Variants in SLF2 observed in about 807,000 individuals in gnomAD.
SLF2 encodes the protein SMC5/6 complex localization factor 2, also known as SMC5-SMC6 complex localization factor protein 2.
Under a neutral mutation model 124.3 loss-of-function variants are expected in SLF2, and 68 were observed. The observed-to-expected ratio is 0.55, with a 90% CI of 0.45 to 0.67. The LOEUF (loss-of-function observed/expected upper bound fraction) is 0.67, where lower values mean the gene tolerates loss of function less well. Ranked by LOEUF, SLF2 falls within the 30% of genes least tolerant of loss-of-function variation. The probability of loss-of-function intolerance (pLI) is 0.00; values close to 1 mark genes in which losing one functional copy is unlikely to be tolerated. For missense variants in SLF2, 1,246 were observed against 1,373.7 expected (o/e 0.91, Z 1.47); for synonymous variants, 480 against 478.8 (o/e 1.00, Z -0.03).
chr10:100,938,519 C>T, intron 10 of SLF2, 76 bp from the exon 11 acceptor site: 1 of 1,396,212 alleles, frequency 7.2e-7, no homozygotes. Context: ...TCATGTTTCA[C>T]CTGCAGACTG....
chr10:100,935,165 G>T (rs964919357), intron 9 of SLF2, among the ~76,000 whole-genome samples: 1 of 152,058 alleles, frequency 6.6e-6, no homozygotes, highest in African/African-American at 2.4e-5. Flanking sequence ...GAAGGCCAAG[G>T]CAGGTGGATC....
chr10:100,932,720 TGCGC>T (rs1554878718), intron 9 of SLF2, among the ~76,000 whole-genome samples: 18 of 36,260 alleles, frequency 5.0e-4, no homozygotes, highest in East Asian at 8.1e-4. Context: ...TGTGTGTGTG[TGCGC>T]GCGCGCGCGC....
At chr10:100,959,153 G>A (rs890992128) in intron 18 of SLF2, among the ~76,000 whole-genome samples, 2 of 152,186 alleles carry the variant, frequency 1.3e-5, no homozygotes, top group African/African-American at 4.8e-5. Flanking sequence ...TGAAGGCAGA[G>A]AATGTGTTTT....
chr10:100,915,544 A>G (rs534902564), intron 1 of SLF2, among the ~76,000 whole-genome samples: 1 of 152,234 alleles, frequency 6.6e-6, no homozygotes, highest in South Asian at 2.1e-4. Flanking sequence ...GCATACATCT[A>G]TTGAGTTTTT....
intron 15 of SLF2, 118 bp from the exon 16 acceptor site, chr10:100,949,957 GT>G: frequency 1.0e-6 from 1 of 995,408 alleles, no homozygotes; most frequent in South Asian, 2.3e-5. Context: ...ATATTGTTAA[GT>G]GTAAAGAAAG....
intron 1 of SLF2, 97 bp from the exon 2 acceptor site, chr10:100,915,902 A>G: frequency 1.0e-6 from 1 of 989,206 alleles, no homozygotes; most frequent in Non-Finnish European, 1.6e-6. Context: ...AAATAGTGAA[A>G]TCCAGCCTTT....
In SLF2 at chr10:100,954,194, G is replaced by A. The variant is rs116651413; in HGVS notation, c.3331-2257G>A. 3.6e-3 allele frequency among the ~76,000 whole-genome samples: 547 copies of A among 152,204 alleles called. 9 individuals are homozygous for A. Among genetic ancestry groups the A allele is most frequent in the African/African-American group, 0.012 (507 of 41,518 alleles). On this transcript the variant is annotated intron_variant, in intron 17 of 19. Coordinates refer to ENST00000238961, the MANE Select transcript of SLF2 (RefSeq NM_018121.4). ...AACACCTGAGCCTGAGGAGGTTGAG[G>A]CTGCCATGCACTGTGGTCATGCCAC...
At chr10:100,913,318 C>T in intron 1 of SLF2, 68 bp downstream of exon 1, 3 of 1,381,854 alleles carry the variant, frequency 2.2e-6, no homozygotes, top group Non-Finnish European at 2.8e-6. Context: ...GGGCTGCAGA[C>T]CGCCGCTCTT....
intron 8 of SLF2, among the ~76,000 whole-genome samples, chr10:100,930,427 A>C (rs1412785806): frequency 1.3e-5 from 2 of 152,210 alleles, no homozygotes; most frequent in African/African-American, 4.8e-5. Flanking sequence ...GCATTCCCAC[A>C]CACTAAGTTA....
chr10:100,921,819 A>G (rs1315451007), intron 4 of SLF2, among the ~76,000 whole-genome samples: 1 of 152,214 alleles, frequency 6.6e-6, no homozygotes, highest in Non-Finnish European at 1.5e-5. Context: ...AAAGTAAGAT[A>G]ATGAGCCAAA....
chr10:100,957,580 C>CG (rs1564786346), intron 18 of SLF2, among the ~76,000 whole-genome samples: 1 of 150,048 alleles, frequency 6.7e-6, no homozygotes, highest in Non-Finnish European at 1.5e-5. Context: ...AGGCTAGTCT[C>CG]GAACTCCTGA....
At chr10:100,919,645 C>T (rs926898967) in intron 4 of SLF2, among the ~76,000 whole-genome samples, 4 of 152,148 alleles carry the variant, frequency 2.6e-5, no homozygotes, top group African/African-American at 4.8e-5. Context: ...CAACTAACAA[C>T]AGTTAATAGT....
At chr10:100,954,333 C>T (rs1169651845) in intron 17 of SLF2, among the ~76,000 whole-genome samples, 2 of 152,024 alleles carry the variant, frequency 1.3e-5, no homozygotes, top group African/African-American at 2.4e-5. Flanking sequence ...TATTGATAAA[C>T]AGTATGTTTT....
At chr10:100,921,096 T>C (rs1849517103) in intron 4 of SLF2, among the ~76,000 whole-genome samples, 1 of 152,252 alleles carries the variant, frequency 6.6e-6, no homozygotes, top group East Asian at 1.9e-4. Context: ...AATGTTAGAC[T>C]AGGCATTTAG....
At chr10:100,943,983 AT>A in intron 11 of SLF2, 42 bp from the exon 12 acceptor site, 1 of 1,316,216 alleles carries the variant, frequency 7.6e-7, no homozygotes, top group Admixed American at 2.2e-5. Flanking sequence ...TGAGTTATAT[AT>A]TTTGTGCCTA....
At position 100,929,486 on chromosome 10, in the gene SLF2, T is replaced by C. The variant is rs549139452; in HGVS notation, c.2165+47T>C. On this transcript the variant is annotated intron_variant, in intron 7 of 19. Coordinates refer to ENST00000238961, the MANE Select transcript of SLF2 (RefSeq NM_018121.4). Reference sequence around the variant, plus strand: ...ATTTTACCTTATTAAAGTTTTTACATTTTTTAGTTTTGTTTTTGTAAAATA... The same window carrying C: ...ATTTTACCTTATTAAAGTTTTTACACTTTTTAGTTTTGTTTTTGTAAAATA... The C allele has an allele frequency of 8.7e-6, 13 of 1,491,420 alleles. No individual in the cohort carries two copies. In the South Asian group the frequency reaches 1.5e-4, roughly 17 times the overall value. The allele number at this position is 1,491,420 out of a possible 1,614,324, so 92.4% of individuals were successfully genotyped here.
chr10:100,953,232 T>G, intron 17 of SLF2, among the ~76,000 whole-genome samples: 1 of 151,692 alleles, frequency 6.6e-6, no homozygotes, highest in East Asian at 2.0e-4. Context: ...ATGTTGATCA[T>G]GTTGCTCTCG....
chr10:100,924,388 A>G lies in SLF2; in HGVS notation c.1387A>G (p.Ser463Gly), dbSNP rs112947773. Residue 463 changes from serine (S) to glycine (G), a missense_variant, in exon 5 of 20, where the codon AGC becomes GGC. Around this residue, in one of 3 missense-constraint regions of SLF2, gnomAD observed 698 missense variants for 708.9 expected, o/e 0.98. Coordinates refer to ENST00000238961, the MANE Select transcript of SLF2 (RefSeq NM_018121.4). The stretch of plus-strand genomic sequence containing the variant: ...CAACCTTCAGAAAAATAAAACCGCT[A>G]GCTCCACGACAAAGGAGAAGGAGAC... The part of the protein sequence containing the change: ...ASNLQKNKTA[S>G]STTKEKETKL... The G allele has an allele frequency of 3.1e-6, 5 of 1,614,180 alleles. No individual in the cohort carries two copies. Among genetic ancestry groups the G allele is most frequent in the African/African-American group, 2.7e-5 (2 of 75,048 alleles).
At chr10:100,935,244 A>G (rs1199073980) in intron 9 of SLF2, among the ~76,000 whole-genome samples, 1 of 151,960 alleles carries the variant, frequency 6.6e-6, no homozygotes, top group East Asian at 1.9e-4. Flanking sequence ...AAATACAAAA[A>G]ATTATCCGGG....
Sources: allele counts gnomAD v4.1 joint callset (sites outside exome capture counted in the v4.1 genomes callset), GRCh38; gene constraint gnomAD v4.1.1; regional missense constraint gnomAD v4.1.1; transcripts MANE v1.5; gene names NCBI Gene and HGNC (gene_info 2026-07-23, HGNC 2026-07-21).